DOCK8: variants seen among roughly 807,000 people sequenced by gnomAD.
DOCK8 encodes dedicator of cytokinesis protein 8.
DOCK8 carries 141 observed loss-of-function variants against 245.6 expected under a neutral mutation model. That is an observed-to-expected ratio of 0.57 (90% CI 0.50 to 0.66). DOCK8 has a LOEUF of 0.66. Among genes scored for constraint, DOCK8 ranks in the 30% least tolerant of loss-of-function variants. The probability of loss-of-function intolerance (pLI) is 0.00; values close to 1 mark genes in which losing one functional copy is unlikely to be tolerated. For missense variants in DOCK8, 2,965 were observed against 2,603.4 expected (o/e 1.14, Z -3.02); for synonymous variants, 1,168 against 970.2 (o/e 1.20, Z -3.79).
At chr9:329,828 C>A (rs924869955) in intron 9 of DOCK8, among the ~76,000 whole-genome samples, 1 of 152,182 alleles carries the variant, frequency 6.6e-6, no homozygotes, top group African/African-American at 2.4e-5. Flanking sequence ...TAAATATGTT[C>A]CAAAATTTTC....
chr9:308,319 A>G (rs1423935585), intron 5 of DOCK8, among the ~76,000 whole-genome samples: 1 of 152,252 alleles, frequency 6.6e-6, no homozygotes, highest in Non-Finnish European at 1.5e-5. Flanking sequence ...TATTCCATAA[A>G]TAGGTACAAC....
chr9:327,708 C>T (rs1373741557), intron 8 of DOCK8, among the ~76,000 whole-genome samples: 1 of 152,114 alleles, frequency 6.6e-6, no homozygotes, highest in Non-Finnish European at 1.5e-5. Flanking sequence ...TTCCCTCATT[C>T]TTGATTGTGA....
chr9:375,925 A>C (rs570225081), intron 18 of DOCK8, among the ~76,000 whole-genome samples: 18 of 152,314 alleles, frequency 1.2e-4, no homozygotes, highest in South Asian at 6.2e-4. Flanking sequence ...TGAGCCCAGG[A>C]GGTCGAGGCT....
At chr9:405,161 A>C in intron 27 of DOCK8, 88 bp downstream of exon 27, 1 of 1,362,656 alleles carries the variant, frequency 7.3e-7, no homozygotes. Context: ...TATAAAGGTT[A>C]GTCTTATTAA....
At chr9:290,138 A>T (rs1198460701) in intron 4 of DOCK8, among the ~76,000 whole-genome samples, 1 of 152,224 alleles carries the variant, frequency 6.6e-6, no homozygotes, top group South Asian at 2.1e-4. Flanking sequence ...ACTGAGAAAG[A>T]AAGTTCTATT....
intron 32 of DOCK8, among the ~76,000 whole-genome samples, chr9:421,631 A>G (rs1309742967): frequency 6.6e-6 from 1 of 152,210 alleles, no homozygotes; most frequent in Non-Finnish European, 1.5e-5. Flanking sequence ...CTTATTCACC[A>G]TGCTCAAAGT....
chr9:342,385 A>G (rs535934227), intron 14 of DOCK8, among the ~76,000 whole-genome samples: 2 of 150,626 alleles, frequency 1.3e-5, no homozygotes, highest in Admixed American at 6.6e-5. Context: ...AGTTTTACCA[A>G]TGGGAACTTT....
Position 377,212 on chromosome 9 carries a change from G to A in DOCK8, c.2440+1G>A. 6.3e-7 allele frequency: 1 copy of A among 1,582,348 alleles called. No individual in the cohort carries two copies. The highest frequency in any genetic ancestry group is 8.5e-7 in the Non-Finnish European group (1 of 1,169,946). On this transcript the variant is annotated splice_donor_variant, in intron 20 of 47. Transcript: ENST00000432829. LOFTEE classifies it high-confidence loss of function. ...CCCATGGTCATCGCTGGCCAGACAG[G>A]TATGAACCTGCAGGGCTGGGCTGGG... is the stretch of plus-strand genomic sequence containing the variant.
intron 14 of DOCK8, among the ~76,000 whole-genome samples, chr9:356,513 G>C (rs2052454033): frequency 6.8e-6 from 1 of 146,332 alleles, no homozygotes; most frequent in African/African-American, 2.5e-5. Flanking sequence ...CTGGGCTACA[G>C]AGCGAGACTC....
chr9:266,920 G>A (rs548021815), intron 1 of DOCK8, among the ~76,000 whole-genome samples: 8 of 152,268 alleles, frequency 5.3e-5, no homozygotes, highest in African/African-American at 1.9e-4. Context: ...TTTGGTCTAA[G>A]AATCAAATGT....
At chr9:249,546 T>C (rs1385702751) in intron 1 of DOCK8, among the ~76,000 whole-genome samples, 1 of 152,238 alleles carries the variant, frequency 6.6e-6, no homozygotes, top group African/African-American at 2.4e-5. Context: ...ACTCTTAGTT[T>C]ATTAAGAGTA....
intron 46 of DOCK8, 68 bp from the exon 47 acceptor site, chr9:463,449 T>A: frequency 6.3e-7 from 1 of 1,583,014 alleles, no homozygotes; most frequent in Non-Finnish European, 8.6e-7. Flanking sequence ...GTAAGTAATT[T>A]CATTGTTCTC....
At chr9:236,287 C>T (rs559799315) in intron 1 of DOCK8, among the ~76,000 whole-genome samples, 3 of 152,292 alleles carry the variant, frequency 2.0e-5, no homozygotes, top group East Asian at 1.9e-4. Context: ...GCTAACTTTG[C>T]TCCCATTAGG....
chr9:233,030 A>T (rs1237319405), intron 1 of DOCK8, among the ~76,000 whole-genome samples: 1 of 152,086 alleles, frequency 6.6e-6, no homozygotes, highest in East Asian at 1.9e-4. Flanking sequence ...TCTTGTGGGC[A>T]TTTAGTGCTA....
chr9:257,816 C>T (rs1341840813), intron 1 of DOCK8, among the ~76,000 whole-genome samples: 3 of 152,234 alleles, frequency 2.0e-5, no homozygotes, highest in African/African-American at 4.8e-5. Flanking sequence ...CGCGCCCAGC[C>T]AGGAGGGCTT....
intron 1 of DOCK8, among the ~76,000 whole-genome samples, chr9:229,584 G>A (rs965860473): frequency 6.6e-6 from 1 of 152,082 alleles, no homozygotes; most frequent in African/African-American, 2.4e-5. Context: ...CAGGATTTGA[G>A]GCTAAATTAA....
intron 1 of DOCK8, among the ~76,000 whole-genome samples, chr9:258,261 C>T (rs1471970727): frequency 2.0e-5 from 3 of 152,214 alleles, no homozygotes; most frequent in Non-Finnish European, 4.4e-5. Flanking sequence ...CTAAGTCACA[C>T]AGACATGCTG....
intron 8 of DOCK8, 119 bp from the exon 9 acceptor site, chr9:327,903 G>T (rs2050835684): frequency 4.3e-6 from 4 of 925,594 alleles, no homozygotes; most frequent in South Asian, 1.3e-5. Flanking sequence ...CCACATCTGT[G>T]ATTATTACAC....
At chr9:405,743 A>C (rs1039487138) in intron 27 of DOCK8, among the ~76,000 whole-genome samples, 1 of 152,230 alleles carries the variant, frequency 6.6e-6, no homozygotes, top group Admixed American at 6.5e-5. Context: ...CCTTGATACT[A>C]GTACAAAAGT....
Sources: gnomAD v4.1 joint callset for allele counts (sites outside exome capture counted in the v4.1 genomes callset) on GRCh38, gnomAD v4.1.1 for gene constraint, MANE v1.5 for transcripts, NCBI Gene and HGNC (gene_info 2026-07-23, HGNC 2026-07-21) for gene names.